Variants in ZNF600 observed in about 807,000 individuals in gnomAD.
The protein encoded by ZNF600 is zinc finger protein 600, also known as zinc finger protein KR-ZNF1.
A neutral mutation model predicts 7.3 loss-of-function variants in ZNF600; 4 were observed. The observed-to-expected ratio is 0.55, with a 90% confidence interval of 0.27 to 1.25. ZNF600 has a LOEUF of 1.25. ZNF600 is among the 50% of genes most tolerant of loss of function. The probability of loss-of-function intolerance (pLI) is 0.12; values close to 1 mark genes in which losing one functional copy is unlikely to be tolerated. For missense variants in ZNF600, 911 were observed against 922.1 expected, an observed-to-expected ratio of 0.99 and a Z score of 0.16; for synonymous variants, 290 against 308.9, an observed-to-expected ratio of 0.94 and a Z score of 0.64.
chr19:52,781,020 A>C (rs1039115065), intron 1 of ZNF600: 1 of 152,316 alleles, frequency 6.6e-6, no homozygotes, highest in Non-Finnish European at 1.5e-5. Context: ...CTGAGGAGAC[A>C]ACTGGACACA....
chr19:52,765,175 A>C (rs2062558567), exon 4 of ZNF600: 1 of 458,804 alleles, frequency 2.2e-6, no homozygotes, highest in Non-Finnish European at 4.4e-6. Context: ...CATTGGGAAC[A>C]GTTATCTCAA....
exon 4 of ZNF600, chr19:52,767,263 T>C (rs2062592387): frequency 6.2e-7 from 1 of 1,614,080 alleles, no homozygotes; most frequent in Non-Finnish European, 8.5e-7. Context: ...CCACTCTCAT[T>C]ACATTGGAAA....
intron 1 of ZNF600, among the ~76,000 whole-genome samples, chr19:52,786,059 T>C (rs1036651628): frequency 1.3e-5 from 2 of 152,110 alleles, no homozygotes; most frequent in African/African-American, 4.8e-5. Context: ...CCTCTCTCTA[T>C]CTCCTGATCC....
chr19:52,809,490 G>A, the ZNF600 span, among the ~76,000 whole-genome samples: 5 of 152,166 alleles, frequency 3.3e-5, no homozygotes, highest in Non-Finnish European at 5.9e-5. Context: ...GTGGAGGGTG[G>A]GAGGAAGGAG....
At chr19:52,817,769 C>A in the ZNF600 span, among the ~76,000 whole-genome samples, 1 of 152,138 alleles carries the variant, frequency 6.6e-6, no homozygotes, top group Non-Finnish European at 1.5e-5. Flanking sequence ...GTTCATGTCA[C>A]TGGGTCACCA....
chr19:52,810,530 C>A, the ZNF600 span: 1 of 1,596,518 alleles, frequency 6.3e-7, no homozygotes, highest in South Asian at 1.1e-5. Flanking sequence ...GATCCCAAAG[C>A]GAACCAACAG....
the ZNF600 span, among the ~76,000 whole-genome samples, chr19:52,812,344 A>C: frequency 7.1e-6 from 1 of 141,718 alleles, no homozygotes; most frequent in Non-Finnish European, 1.5e-5. Context: ...GTGGGGAAGA[A>C]ATTGAGAAAT....
At chr19:52,829,187 TATTTTATTTTATTTTATTTTATTTTA>T in the ZNF600 span, among the ~76,000 whole-genome samples, 29 of 24,562 alleles carry the variant, frequency 1.2e-3, no homozygotes, top group Non-Finnish European at 3.3e-3. Flanking sequence ...TTTCTTTTTT[TATTTTATTTTATTTTATTTTATTTTA>T]TTTTATTTTA....
the ZNF600 span, among the ~76,000 whole-genome samples, chr19:52,821,063 C>T: frequency 1.3e-5 from 2 of 152,152 alleles, no homozygotes; most frequent in East Asian, 3.9e-4. Flanking sequence ...CCAACGCGGG[C>T]TCAGGGGAAG....
chr19:52,770,130 C>G lies in ZNF600; in HGVS notation c.191-2358G>C, dbSNP rs150368376. 2.0e-5 allele frequency among the ~76,000 whole-genome samples: 3 copies of G among 152,208 alleles called. No homozygotes were observed. In the East Asian group the frequency reaches 5.8e-4, roughly 29 times the overall value. On this transcript the variant is annotated intron_variant, in intron 3 of 3. Coordinates refer to ENST00000648973, the Ensembl canonical transcript of ZNF600. ...TCATGTATGAGGTCAAGAAAATACA[C>G]AGCATTTTAAGAAATAAGAATTGAC...
the ZNF600 span, among the ~76,000 whole-genome samples, chr19:52,828,932 C>A: frequency 6.6e-6 from 1 of 152,180 alleles, no homozygotes; most frequent in Non-Finnish European, 1.5e-5. Context: ...AGGATCTCGG[C>A]TGAATGCAAG....
chr19:52,830,857 C>T, the ZNF600 span, among the ~76,000 whole-genome samples: 1 of 143,346 alleles, frequency 7.0e-6, no homozygotes, highest in Admixed American at 6.9e-5. Context: ...TAGGAGTGAA[C>T]TTTGTGCATG....
the ZNF600 span, among the ~76,000 whole-genome samples, chr19:52,813,249 G>GGAA: frequency 1.1e-4 from 7 of 62,986 alleles, no homozygotes; most frequent in Admixed American, 2.4e-4. Context: ...CTTGAATGGT[G>GGAA]AAAAAAAAAA....
At chr19:52,789,549 A>G (rs140156377), upstream of ZNF600, among the ~76,000 whole-genome samples, 309 of 152,278 alleles carry the variant, frequency 2.0e-3, 1 homozygote, top group African/African-American at 5.4e-3. Flanking sequence ...CTCTTCACCA[A>G]TGCAATCCAT....
the ZNF600 span, chr19:52,801,034 AAG>A: frequency 6.2e-7 from 1 of 1,614,022 alleles, no homozygotes; most frequent in African/African-American, 1.3e-5. Flanking sequence ...TTACACTTGT[AAG>A]GTTTCTCATC....
At chr19:52,804,693 C>G in the ZNF600 span, among the ~76,000 whole-genome samples, 1 of 152,008 alleles carries the variant, frequency 6.6e-6, no homozygotes, top group Non-Finnish European at 1.5e-5. Context: ...TTAGTAAATT[C>G]GAGGTTTCAC....
upstream of ZNF600, among the ~76,000 whole-genome samples, chr19:52,787,937 C>T (rs538995741): frequency 6.6e-6 from 1 of 151,854 alleles, no homozygotes; most frequent in East Asian, 1.9e-4. Context: ...TACCAGATAC[C>T]AGTACACAGA....
the ZNF600 span, chr19:52,800,778 T>C: frequency 6.2e-7 from 1 of 1,614,154 alleles, no homozygotes; most frequent in Non-Finnish European, 8.5e-7. Context: ...TTCATTACAC[T>C]TGTAAGGTTT....
chr19:52,794,110 A>C, the ZNF600 span, among the ~76,000 whole-genome samples: 5 of 151,914 alleles, frequency 3.3e-5, no homozygotes, highest in African/African-American at 1.2e-4. Flanking sequence ...TGTAGAGCTC[A>C]GTGGAGAGGC....
Sources: gnomAD v4.1 joint callset for allele counts (sites outside exome capture counted in the v4.1 genomes callset) on GRCh38, gnomAD v4.1.1 for gene constraint, MANE v1.5 for transcripts, NCBI Gene and HGNC (gene_info 2026-07-23, HGNC 2026-07-21) for gene names.